DGKQ: variants seen among roughly 807,000 people sequenced by gnomAD.
The protein encoded by DGKQ is DAG kinase theta.
DGKQ carries 97 observed loss-of-function variants against 104.2 expected under a neutral mutation model. That is an observed-to-expected ratio of 0.93 (90% CI 0.79 to 1.10). The LOEUF (loss-of-function observed/expected upper bound fraction) is 1.10, where lower values mean the gene tolerates loss of function less well. Among genes scored for constraint, DGKQ ranks in the 50% least tolerant of loss-of-function variants. DGKQ has a pLI of 0.00. For missense variants in DGKQ, 1,465 were observed against 1,352.1 expected (o/e 1.08, Z -1.31); for synonymous variants, 736 against 595.2 (o/e 1.24, Z -3.44).
intron 6 of DGKQ, 36 bp from the exon 7 acceptor site, chr4:967,838 G>A (rs1248152975): frequency 5.2e-6 from 8 of 1,535,514 alleles, no homozygotes; most frequent in South Asian, 2.5e-5. Context: ...CATTCAGTGC[G>A]CAGCCCCCAG....
At position 962,706 on chromosome 4, in the gene DGKQ, C is replaced by T. The variant is rs6823829; in HGVS notation, c.2035+66G>A. On this transcript the variant is annotated intron_variant, in intron 17 of 22. Transcript: ENST00000273814. ...CCACGAGGACAGCCAGCCCAGGCCTCGGCAAAAGCTGCACAGGAAGGGGTA... is the reference window on the plus strand; with the variant it reads ...CCACGAGGACAGCCAGCCCAGGCCTTGGCAAAAGCTGCACAGGAAGGGGTA... The T allele has an allele frequency of 6.0e-4, 961 of 1,590,986 alleles. 5 individuals carry two copies. In the African/African-American group the frequency reaches 0.011, roughly 19 times the overall value.
At chr4:961,420 G>C in intron 21 of DGKQ, 47 bp downstream of exon 21, 1 of 1,531,860 alleles carries the variant, frequency 6.5e-7, no homozygotes, top group Non-Finnish European at 8.8e-7. Flanking sequence ...AGCGGGGACC[G>C]GGGACGCCCA....
chr4:962,431 G>C lies in DGKQ; in HGVS notation c.2214+4C>G. On this transcript the variant is annotated splice_donor_region_variant and intron_variant, in intron 18 of 22. Transcript: ENST00000273814. ...AAGGCACCCCACGCCGGGCTGCCCT[G>C]TACCTTGGGGGGCTCTGCGTCTGCC... 6.4e-7 allele frequency: 1 copy of C among 1,566,562 alleles called. No homozygotes were observed. Among genetic ancestry groups the C allele is most frequent in the Non-Finnish European group, 8.6e-7 (1 of 1,161,424 alleles).
In DGKQ at chr4:961,808, C is replaced by A; in HGVS notation, c.2342G>T (p.Arg781Leu). The change falls in exon 20 of 23, where the codon CGG (arginine) becomes CTG (leucine). Residue 781 changes from arginine to leucine, a missense_variant. Arg to Leu is a moderately radical substitution (Grantham distance 102, BLOSUM62 -2). Transcript: ENST00000273814. ...GTGACTGATCTTCTGCAGCCCCACC[C>A]GCACGTACACACCCTTGTTGTGCAG... ...SRLHNKGVYV[R>L]VGLQKISHSR... is the part of the protein sequence containing the mutation. 2 of 1,606,522 alleles carry A rather than the reference C, an allele frequency of 1.2e-6. No individual in the cohort carries two copies.
At chr4:966,708 G>T in intron 11 of DGKQ, 40 bp downstream of exon 11, 1 of 1,585,352 alleles carries the variant, frequency 6.3e-7, no homozygotes. Flanking sequence ...AACCCAAAAG[G>T]TGCAGGGACC....
In DGKQ at chr4:962,419, C is replaced by G; in HGVS notation, c.2214+16G>C. 3.2e-6 allele frequency: 5 copies of G among 1,543,220 alleles called. No homozygotes were observed. Among genetic ancestry groups the G allele is most frequent in the Non-Finnish European group, 4.4e-6 (5 of 1,147,678 alleles). ...GCAGGAGCCTGGAAGGCACCCCACG[C>G]CGGGCTGCCCTGTACCTTGGGGGGC... On this transcript the variant is annotated intron_variant, in intron 18 of 22. Transcript: ENST00000273814.
At chr4:967,689 G>C (rs755461008) in intron 7 of DGKQ, 39 bp downstream of exon 7, 2 of 1,611,970 alleles carry the variant, frequency 1.2e-6, no homozygotes, top group Admixed American at 3.3e-5. Flanking sequence ...GCGCCCGGGG[G>C]ACCTCAGTGG....
At chr4:965,571 A>G (rs1397136131) in intron 13 of DGKQ, 42 bp from the exon 14 acceptor site, 1 of 1,604,778 alleles carries the variant, frequency 6.2e-7, no homozygotes, top group Non-Finnish European at 8.5e-7. Context: ...GAGGCGAAGG[A>G]CACACAGCAC....
chr4:968,623 G>C lies in DGKQ; in HGVS notation c.452-59C>G. The C allele has an allele frequency of 2.0e-6, 3 of 1,501,508 alleles. No homozygotes were observed. The East Asian group carries it at 7.1e-5, about 36-fold the overall frequency. The allele number at this position is 1,501,508 out of a possible 1,614,324, so 93.0% of individuals were successfully genotyped here. A position where few individuals can be genotyped will look rare whatever the true frequency, so the allele number is the denominator to read the frequency against. Reference sequence around the variant, plus strand: ...CCCCCGGAGGACCCCTGCCTCTGCCGGTGCTTGGGTCTGCCCCATCCCCAC... The same window carrying C: ...CCCCCGGAGGACCCCTGCCTCTGCCCGTGCTTGGGTCTGCCCCATCCCCAC... On this transcript the variant is annotated intron_variant, in intron 3 of 22. Transcript: ENST00000273814.
At chr4:966,167 CAG>C (rs1185887948) in intron 12 of DGKQ, 89 bp from the exon 13 acceptor site, 4 of 1,325,906 alleles carry the variant, frequency 3.0e-6, no homozygotes, top group African/African-American at 1.5e-5. Flanking sequence ...AACAGCAAAA[CAG>C]GGCATCAGGA....
Position 961,453 on chromosome 4 carries a change from G to C in DGKQ, c.2574+14C>G. 1 of 1,578,512 alleles carries C rather than the reference G, an allele frequency of 6.3e-7. No homozygotes were observed. Among genetic ancestry groups the C allele is most frequent in the Non-Finnish European group, 8.6e-7 (1 of 1,165,786 alleles). On this transcript the variant is annotated intron_variant, in intron 21 of 22. Coordinates refer to ENST00000273814, the MANE Select transcript of DGKQ (RefSeq NM_001347.4). The stretch of plus-strand genomic sequence containing the variant: ...CCACCCTGGGCTCGCCCGCCCACTC[G>C]GCCGGCGGCTCACCATGTGCACGAC...
intron 3 of DGKQ, 89 bp from the exon 4 acceptor site, chr4:968,653 T>A: frequency 7.2e-7 from 1 of 1,397,540 alleles, no homozygotes; most frequent in Non-Finnish European, 9.7e-7. Context: ...CCCCACCACC[T>A]AGCACCCTGC....
In DGKQ at chr4:962,575, A is replaced by G; in HGVS notation, c.2074T>C (p.Tyr692His). The change falls in exon 18 of 23, where the codon TAC becomes CAC. Residue 692 changes from tyrosine to histidine, a missense_variant. Physicochemically the swap from Tyr to His is moderately conservative, Grantham distance 83 (BLOSUM62 2). Coordinates refer to ENST00000273814, the MANE Select transcript of DGKQ (RefSeq NM_001347.4). ...ACGGAGAACGGGTCCTCGCCGCTGT[A>G]GCCCGCCCCCCAGCGGAGGACTCGA... ...LGRVLRWGAGYSGEDPFSVLL... is the reference protein window; with the variant it reads ...LGRVLRWGAGHSGEDPFSVLL... 1 of 1,609,704 alleles carries G rather than the reference A, an allele frequency of 6.2e-7. No individual in the cohort carries two copies. The highest frequency in any genetic ancestry group is 1.1e-5 in the South Asian group (1 of 91,084).
At chr4:961,384 T>G (rs1711872787) in intron 21 of DGKQ, 83 bp downstream of exon 21, 1 of 1,427,472 alleles carries the variant, frequency 7.0e-7, no homozygotes, top group African/African-American at 1.5e-5. Context: ...GACCTGGCCC[T>G]GGGGCGGGAG....
Position 963,478 on chromosome 4 carries a change from C to T in DGKQ, c.1735-188G>A, listed in dbSNP as rs576511560. 8.5e-5 allele frequency among the ~76,000 whole-genome samples: 13 copies of T among 152,316 alleles called. No individual in the cohort carries two copies. In the South Asian group the frequency reaches 2.7e-3, roughly 32 times the overall value. On this transcript the variant is annotated intron_variant, in intron 15 of 22. Coordinates refer to ENST00000273814, the MANE Select transcript of DGKQ (RefSeq NM_001347.4). ...CATGAGCTGCGTGGTCACCCCATCT[C>T]GCTGCTGGCCAGCAGGGCGGCACTG...
Position 962,004 on chromosome 4 carries a change from C to A in DGKQ, c.2293G>T (p.Glu765Ter). 1 of 1,613,220 alleles carries A rather than the reference C, an allele frequency of 6.2e-7. No homozygotes were observed. Among genetic ancestry groups the A allele is most frequent in the Non-Finnish European group, 8.5e-7 (1 of 1,179,962 alleles). Residue 765 changes from glutamate (E) to a stop codon, truncating the protein, a stop_gained, in exon 19 of 23, where the codon GAG becomes TAG. Transcript: ENST00000273814. LOFTEE classifies it high-confidence loss of function. ...TACCTGCTTGTGAACTTGCCAGGCT[C>A]CTCTTCCCGTGCCTGGTGGAAGTCC... ...SLDFHQAREE[E>*]PGKFTSRLHN...
At chr4:964,429 T>C (rs1712133368) in intron 15 of DGKQ, among the ~76,000 whole-genome samples, 1 of 152,142 alleles carries the variant, frequency 6.6e-6, no homozygotes, top group Non-Finnish European at 1.5e-5. Context: ...GAGAGGCCAA[T>C]GTGAAGGCAC....
chr4:961,647 C>T, intron 20 of DGKQ, 41 bp downstream of exon 20: 1 of 1,611,308 alleles, frequency 6.2e-7, no homozygotes, highest in Non-Finnish European at 8.5e-7. Context: ...TGCCCATGGC[C>T]CCGCCGGGCA....
Position 966,444 on chromosome 4 carries a change from G to C in DGKQ, c.1428+22C>G, listed in dbSNP as rs548869218. On this transcript the variant is annotated intron_variant, in intron 12 of 22. Coordinates refer to ENST00000273814, the MANE Select transcript of DGKQ (RefSeq NM_001347.4). ...GCTGAGGGCTGCTGGTTCCCTGGGG[G>C]CCGGCGTCCACACCCACTCACCTGC... 3 of 1,610,318 alleles carry C rather than the reference G, an allele frequency of 1.9e-6. No individual in the cohort carries two copies. In the African/African-American group the frequency reaches 4.0e-5, roughly 22 times the overall value.
Sources: allele counts gnomAD v4.1 joint callset (sites outside exome capture counted in the v4.1 genomes callset), GRCh38; gene constraint gnomAD v4.1.1; transcripts MANE v1.5; gene names NCBI Gene and HGNC (gene_info 2026-07-23, HGNC 2026-07-21).